Variants in PEAK1 observed in about 807,000 individuals in gnomAD.
PEAK1 encodes the protein pseudopodium enriched atypical kinase 1.
PEAK1 carries 54 observed loss-of-function variants against 124.7 expected under a neutral mutation model. The observed-to-expected ratio is 0.43, with a 90% CI of 0.35 to 0.54. The LOEUF (loss-of-function observed/expected upper bound fraction) is 0.54, where lower values mean the gene tolerates loss of function less well. Ranked by LOEUF, PEAK1 falls within the 20% of genes least tolerant of loss-of-function variation. The pLI is 0.01. For missense variants in PEAK1, 2,046 were observed against 2,134.5 expected (o/e 0.96, Z 0.82); for synonymous variants, 719 against 760.0 (o/e 0.95, Z 0.89).
intron 2 of PEAK1, among the ~76,000 whole-genome samples, chr15:77,322,231 G>T (rs566848639): frequency 1.3e-3 from 205 of 152,186 alleles, no homozygotes; most frequent in African/African-American, 4.7e-3. Flanking sequence ...AGAGAAGCAA[G>T]AGCAAACACA....
At chr15:77,178,661 A>C (rs2057035459) in intron 7 of PEAK1, 129 bp downstream of exon 7, 2 of 865,586 alleles carry the variant, frequency 2.3e-6, no homozygotes, top group East Asian at 5.2e-5. Flanking sequence ...AGTTATAAAG[A>C]TAGATGATGG....
intron 5 of PEAK1, among the ~76,000 whole-genome samples, chr15:77,263,273 T>C (rs1284114164): frequency 1.3e-5 from 2 of 151,688 alleles, no homozygotes; most frequent in African/African-American, 2.4e-5. Flanking sequence ...CTGAAGGAAA[T>C]AGACACATAA....
chr15:77,349,139 A>T (rs1313697473), intron 2 of PEAK1: 1 of 507,054 alleles, frequency 2.0e-6, no homozygotes, highest in African/African-American at 2.1e-5. Context: ...TCCTGGGTTC[A>T]CGCCATTCTC....
At chr15:77,166,148 CA>C (rs142306025) in intron 7 of PEAK1, among the ~76,000 whole-genome samples, 2 of 151,974 alleles carry the variant, frequency 1.3e-5, no homozygotes, top group African/African-American at 4.8e-5. Context: ...TTTACATTTC[CA>C]AAAAAATTTT....
intron 2 of PEAK1, among the ~76,000 whole-genome samples, chr15:77,321,549 G>C (rs920895855): frequency 6.6e-6 from 1 of 152,138 alleles, no homozygotes; most frequent in African/African-American, 2.4e-5. Flanking sequence ...GTAGATTCTG[G>C]ATATTAGCCC....
At chr15:77,317,878 T>C (rs1196668634) in intron 2 of PEAK1, among the ~76,000 whole-genome samples, 1 of 152,194 alleles carries the variant, frequency 6.6e-6, no homozygotes, top group Non-Finnish European at 1.5e-5. Context: ...CGTAACAATT[T>C]GGATAGATCT....
chr15:77,258,868 T>C (rs923855127), intron 5 of PEAK1, among the ~76,000 whole-genome samples: 26 of 152,084 alleles, frequency 1.7e-4, no homozygotes, highest in Non-Finnish European at 2.2e-4. Context: ...GGGTTTGTCA[T>C]AGATAGCTCT....
chr15:77,384,840 G>C (rs2069790390), intron 1 of PEAK1, among the ~76,000 whole-genome samples: 1 of 152,090 alleles, frequency 6.6e-6, no homozygotes, highest in Admixed American at 6.6e-5. Context: ...GTTGCTTATG[G>C]CTGCTTTTGC....
chr15:77,142,532 T>C (rs1378320099), intron 8 of PEAK1, among the ~76,000 whole-genome samples: 1 of 152,220 alleles, frequency 6.6e-6, no homozygotes, highest in African/African-American at 2.4e-5. Flanking sequence ...GCAGCATTTA[T>C]AATAGCCAAA....
intron 5 of PEAK1, chr15:77,278,894 A>G (rs1161708728): frequency 1.1e-5 from 3 of 269,812 alleles, no homozygotes; most frequent in Non-Finnish European, 2.0e-5. Context: ...GTGCAATGGC[A>G]TCATCTCTGC....
intron 2 of PEAK1, among the ~76,000 whole-genome samples, chr15:77,312,083 CA>C (rs2064504611): frequency 6.6e-6 from 1 of 151,666 alleles, no homozygotes; most frequent in Admixed American, 6.6e-5. Context: ...GAAAACGGAC[CA>C]AAAAATTTTT....
chr15:77,177,180 T>C (rs1477768143), intron 7 of PEAK1, among the ~76,000 whole-genome samples: 2 of 152,286 alleles, frequency 1.3e-5, no homozygotes, highest in African/African-American at 4.8e-5. Flanking sequence ...GGTCTCGAAC[T>C]CCTGATCTCA....
At chr15:77,340,718 T>C (rs1429511820) in intron 2 of PEAK1, among the ~76,000 whole-genome samples, 9 of 152,198 alleles carry the variant, frequency 5.9e-5, no homozygotes, top group Non-Finnish European at 1.3e-4. Context: ...GTGTATATTG[T>C]AATTCAATTC....
chr15:77,281,060 C>T (rs1209570203), intron 5 of PEAK1, among the ~76,000 whole-genome samples: 3 of 151,954 alleles, frequency 2.0e-5, no homozygotes, highest in Admixed American at 6.6e-5. Context: ...CCTGTAATCC[C>T]AGGAGGCTGA....
intron 2 of PEAK1, among the ~76,000 whole-genome samples, chr15:77,328,463 ATAAAAT>A (rs1461226340): frequency 3.3e-5 from 5 of 152,196 alleles, no homozygotes; most frequent in Non-Finnish European, 7.4e-5. Context: ...TTAAACTGTA[ATAAAAT>A]TACCAAAGGT....
At chr15:77,115,371 G>A in intron 9 of PEAK1, 52 bp from the exon 10 acceptor site, 1 of 1,502,630 alleles carries the variant, frequency 6.7e-7, no homozygotes, top group South Asian at 1.2e-5. Context: ...CCAGGTTTAT[G>A]ATGTATCAGG....
At chr15:77,348,813 G>GGGGGGGGGC in intron 2 of PEAK1, 5 of 371,900 alleles carry the variant, frequency 1.3e-5, no homozygotes, top group Non-Finnish European at 1.8e-5. Flanking sequence ...GAGGGGGCGG[G>GGGGGGGGGC]CAGGTGGGGG....
At chr15:77,410,130 G>T (rs777709201) in intron 1 of PEAK1, among the ~76,000 whole-genome samples, 2 of 150,444 alleles carry the variant, frequency 1.3e-5, no homozygotes, top group Non-Finnish European at 3.0e-5. Flanking sequence ...GGAGTGCAAT[G>T]GCACGATCTT....
At chr15:77,367,385 G>A (rs933581198) in intron 1 of PEAK1, among the ~76,000 whole-genome samples, 7 of 152,278 alleles carry the variant, frequency 4.6e-5, no homozygotes, top group African/African-American at 7.2e-5. Context: ...TTGTATGAAA[G>A]AATTGACTGC....
Sources: allele counts gnomAD v4.1 joint callset (sites outside exome capture counted in the v4.1 genomes callset), GRCh38; gene constraint gnomAD v4.1.1; transcripts MANE v1.5; gene names NCBI Gene and HGNC (gene_info 2026-07-23, HGNC 2026-07-21).